The following PBK variants were observed in gnomAD, a reference collection of about 807,000 sequenced individuals.
PBK encodes PDZ binding kinase.
Under a neutral mutation model 33.5 loss-of-function variants are expected in PBK, and 22 were observed. The ratio of observed to expected loss-of-function variants is 0.66; its 90% CI spans 0.47 to 0.94. The LOEUF is 0.94. Among genes scored for constraint, PBK ranks in the 40% least tolerant of loss-of-function variants. PBK has a pLI of 0.00. For missense variants in PBK, 376 were observed against 383.4 expected (o/e 0.98, Z 0.16); for synonymous variants, 129 against 123.8 (o/e 1.04, Z -0.28).
intron 6 of PBK, chr8:27,811,481 T>C (rs1055438144): frequency 2.0e-5 from 8 of 405,628 alleles, no homozygotes; most frequent in South Asian, 1.3e-4. Context: ...CTTGAGCAGA[T>C]CACTTCTAGA....
At chr8:27,826,125 CA>C (rs1806020962) in intron 3 of PBK, among the ~76,000 whole-genome samples, 2 of 151,690 alleles carry the variant, frequency 1.3e-5, no homozygotes, top group South Asian at 4.2e-4. Context: ...AATTAGCAGT[CA>C]AAAAGGCTTC....
intron 5 of PBK, among the ~76,000 whole-genome samples, chr8:27,821,220 T>C (rs1370210205): frequency 1.3e-5 from 2 of 152,176 alleles, no homozygotes; most frequent in African/African-American, 4.8e-5. Flanking sequence ...TAGAAATAGA[T>C]ACTTCTGCTA....
At chr8:27,814,810 A>T (rs1805779647) in intron 6 of PBK, among the ~76,000 whole-genome samples, 1 of 152,102 alleles carries the variant, frequency 6.6e-6, no homozygotes, top group South Asian at 2.1e-4. Context: ...GTTTCCTTAG[A>T]TATCTTGTTA....
rs545434582 is a variant in PBK, at chr8:27,811,453, G to A, written c.596-319C>T. The A allele has an allele frequency of 5.1e-4, 235 of 463,822 alleles. 1 individual carries two copies. The highest frequency in any genetic ancestry group is 4.4e-3 in the African/African-American group (223 of 51,040). 28.7% of individuals were successfully genotyped at this position (463,822 alleles called of 1,614,324 possible). On this transcript the variant is annotated intron_variant, in intron 6 of 7. Transcript: ENST00000301905. The stretch of plus-strand genomic sequence containing the variant: ...TGCTTGGGTTGGTTCAAAGACATGT[G>A]TGTGCAAGCTGCGTGACCTTGAGCA...
At position 27,823,122 on chromosome 8, in the gene PBK, T is replaced by A. The variant is rs1434780671; in HGVS notation, c.236A>T (p.Gln79Leu). ...ICNDHYRSVY[Q>L]KRLMDEAKIL... The stretch of plus-strand genomic sequence containing the variant: ...CTTAGCTTCATCCATTAGTCTCTTT[T>A]GATACACACTTCGATAATGATCATT... The change falls in exon 4 of 8, where the codon CAA (glutamine) becomes CTA (leucine). Residue 79 changes from glutamine (Q) to leucine (L), a missense_variant. Gln to Leu is a moderately radical substitution (Grantham distance 113). Transcript: ENST00000301905. 18 of 1,578,790 alleles carry A rather than the reference T, an allele frequency of 1.1e-5. No individual in the cohort carries two copies. Among genetic ancestry groups the A allele is most frequent in the Non-Finnish European group, 1.6e-5 (18 of 1,148,964 alleles).
At chr8:27,818,936 T>G (rs971167047) in intron 6 of PBK, among the ~76,000 whole-genome samples, 28 of 152,174 alleles carry the variant, frequency 1.8e-4, no homozygotes, top group African/African-American at 6.8e-4. Context: ...TTTTCTAAAA[T>G]GTCCAGATAA....
chr8:27,820,771 CAACTTG>C (rs1263157206), intron 5 of PBK, 77 bp from the exon 6 acceptor site: 1 of 736,336 alleles, frequency 1.4e-6, no homozygotes, highest in African/African-American at 1.8e-5. Flanking sequence ...CCAAATATAA[CAACTTG>C]AACTCCCTTC....
At chr8:27,825,259 G>C (rs1806004259) in intron 3 of PBK, among the ~76,000 whole-genome samples, 1 of 152,122 alleles carries the variant, frequency 6.6e-6, no homozygotes, top group Admixed American at 6.5e-5. Flanking sequence ...GGGCAATATA[G>C]TGAGACCCCT....
rs78451596 is a variant in PBK, at chr8:27,816,246, T to G, written c.595+4319A>C. ...ACAGGGTAAGACTGTGTCTGTCTCA[T>G]GTACTCTATATTCATGGTGCCTGAC... On this transcript the variant is annotated intron_variant, in intron 6 of 7. Transcript: ENST00000301905. Among the ~76,000 whole-genome samples the G allele has an allele frequency of 2.9e-3, 446 of 151,992 alleles. 8 individuals carry two copies. Among genetic ancestry groups the G allele is most frequent in the African/African-American group, 0.01 (423 of 41,436 alleles).
chr8:27,811,541 T>C (rs769364668), intron 6 of PBK, among the ~76,000 whole-genome samples: 1 of 152,114 alleles, frequency 6.6e-6, no homozygotes, highest in Non-Finnish European at 1.5e-5. Flanking sequence ...GAAGTACCAT[T>C]TCTATGCTTC....
At chr8:27,837,573 C>G (rs1806250444) in intron 1 of PBK, 79 bp downstream of exon 1, 1 of 152,312 alleles carries the variant, frequency 6.6e-6, no homozygotes, top group Non-Finnish European at 1.5e-5. Context: ...AGATCCTCCC[C>G]TGTCACGAAA....
rs574927607 is a variant in PBK, at chr8:27,836,015, C to T, written c.-21+1637G>A. On this transcript the variant is annotated intron_variant, in intron 1 of 7. Transcript: ENST00000301905. Reference sequence around the variant, plus strand: ...TCTGGAAATAGAGCAGCAAACAAGACCCAAACAAGTATGAAGATAAACATA... The same window carrying T: ...TCTGGAAATAGAGCAGCAAACAAGATCCAAACAAGTATGAAGATAAACATA... Among the ~76,000 whole-genome samples, 101 of 152,162 alleles carry T rather than the reference C, an allele frequency of 6.6e-4. 1 individual carries two copies. The highest frequency in any genetic ancestry group is 1.3e-3 in the Non-Finnish European group (90 of 68,016).
At chr8:27,834,676 T>C (rs974867803) in intron 1 of PBK, among the ~76,000 whole-genome samples, 42 of 152,076 alleles carry the variant, frequency 2.8e-4, no homozygotes, top group African/African-American at 9.7e-4. Flanking sequence ...GGCGGATCAG[T>C]TGACATCAGG....
chr8:27,817,944 C>T (rs922976624), intron 6 of PBK, among the ~76,000 whole-genome samples: 2 of 152,138 alleles, frequency 1.3e-5, no homozygotes, highest in African/African-American at 4.8e-5. Flanking sequence ...CTTCTGAGCA[C>T]TTGAATTGTG....
rs527893432 is a variant in PBK at position 27,835,594 on chromosome 8, C to T, written c.-21+2058G>A. On this transcript the variant is annotated intron_variant, in intron 1 of 7. Transcript: ENST00000301905. ...GAGACAGAGTTTTGCTCTTGTTGCC[C>T]AGGCTGGGGTGCAATGGTGCAATCT... Among the ~76,000 whole-genome samples, 103 of 151,756 alleles carry T rather than the reference C, an allele frequency of 6.8e-4. No homozygotes were observed. In the Middle Eastern group the frequency reaches 0.01, roughly 15 times the overall value.
chr8:27,822,088 G>A (rs533614951), intron 5 of PBK, among the ~76,000 whole-genome samples: 1 of 152,052 alleles, frequency 6.6e-6, no homozygotes, highest in Non-Finnish European at 1.5e-5. Context: ...ATGTCCGCAC[G>A]CACAGTGATG....
intron 6 of PBK, among the ~76,000 whole-genome samples, chr8:27,818,076 G>A (rs1044761099): frequency 6.6e-6 from 1 of 152,144 alleles, no homozygotes; most frequent in African/African-American, 2.4e-5. Flanking sequence ...CCATAATGGT[G>A]GCCATGTTCC....
At chr8:27,820,742 T>TA (rs776986483) in intron 5 of PBK, 48 bp from the exon 6 acceptor site, 89 of 1,059,112 alleles carry the variant, frequency 8.4e-5, no homozygotes, top group Non-Finnish European at 1.0e-4. Flanking sequence ...CACAAACTAA[T>TA]AAAAAAATGT....
rs1444109139 is a variant in PBK at position 27,810,459 on chromosome 8, T to C, written c.815A>G (p.Tyr272Cys). ...AGGTGGCCTAGTTCCCAACGCTGCA[T>C]AGTATGCTTCATCATCAAAATCACT... is the stretch of plus-strand genomic sequence containing the variant. ...DESDFDDEAY[Y>C]AALGTRPPIN... The change falls in exon 8 of 8, where the codon TAT (tyrosine) becomes TGT (cysteine). Residue 272 changes from tyrosine to cysteine, a missense_variant. Tyr to Cys is a radical substitution (Grantham distance 194). Transcript: ENST00000301905. The C allele has an allele frequency of 6.2e-7, 1 of 1,608,080 alleles. No homozygotes were observed. The highest frequency in any genetic ancestry group is 2.2e-5 in the East Asian group (1 of 44,840).
Sources: gnomAD v4.1 joint callset for allele counts (sites outside exome capture counted in the v4.1 genomes callset) on GRCh38, gnomAD v4.1.1 for gene constraint, MANE v1.5 for transcripts, NCBI Gene and HGNC (gene_info 2026-07-23, HGNC 2026-07-21) for gene names.